RGL1: variants seen among roughly 807,000 people sequenced by gnomAD.
The protein encoded by RGL1 is ral guanine nucleotide dissociation stimulator-like 1.
Under a neutral mutation model 95.2 loss-of-function variants are expected in RGL1, and 24 were observed. That is an observed-to-expected ratio of 0.25 (90% CI 0.18 to 0.35). RGL1 has a LOEUF of 0.35. Ranked by LOEUF, RGL1 falls within the 10% of genes least tolerant of loss-of-function variation. The pLI, the probability that RGL1 is intolerant of heterozygous loss-of-function variation, is 1.00. For synonymous variants in RGL1, 329 were observed against 344.9 expected, an observed-to-expected ratio of 0.95 and a Z score of 0.51; for missense variants, 715 against 936.3, an observed-to-expected ratio of 0.76 and a Z score of 3.08.
At chr1:183,659,173 G>A (rs1387952088) in intron 1 of RGL1, among the ~76,000 whole-genome samples, 3 of 152,072 alleles carry the variant, frequency 2.0e-5, no homozygotes, top group Admixed American at 6.6e-5. Context: ...AAGGAATACA[G>A]CTCCTCACCG....
At chr1:183,694,419 A>G (rs1453767252) in intron 1 of RGL1, among the ~76,000 whole-genome samples, 1 of 152,036 alleles carries the variant, frequency 6.6e-6, no homozygotes, top group Admixed American at 6.6e-5. Context: ...ATTGATGACC[A>G]TTTTTTCTTT....
At chr1:183,884,324 G>A (rs1184107000) in intron 6 of RGL1, among the ~76,000 whole-genome samples, 2 of 152,178 alleles carry the variant, frequency 1.3e-5, no homozygotes, top group African/African-American at 2.4e-5. Context: ...GATTGTATCT[G>A]GCCCCTCATT....
chr1:183,842,047 T>G (rs1467959849), intron 2 of RGL1, among the ~76,000 whole-genome samples: 1 of 152,170 alleles, frequency 6.6e-6, no homozygotes, highest in Non-Finnish European at 1.5e-5. Flanking sequence ...TGTTGCTGGA[T>G]AGTGGTTGTA....
At chr1:183,818,598 A>AT (rs1662242730) in intron 2 of RGL1, among the ~76,000 whole-genome samples, 1 of 151,088 alleles carries the variant, frequency 6.6e-6, no homozygotes, top group African/African-American at 2.4e-5. Flanking sequence ...ATTAAAAAAA[A>AT]TGTTTCTCTT....
chr1:183,912,676 AC>A (rs1487063146), intron 15 of RGL1, among the ~76,000 whole-genome samples: 1 of 152,170 alleles, frequency 6.6e-6, no homozygotes, highest in Non-Finnish European at 1.5e-5. Flanking sequence ...TAAAACAACC[AC>A]TATTTATCTC....
At chr1:183,799,440 G>A (rs1263709003) in intron 2 of RGL1, among the ~76,000 whole-genome samples, 1 of 152,118 alleles carries the variant, frequency 6.6e-6, no homozygotes, top group Non-Finnish European at 1.5e-5. Flanking sequence ...TAGCATATCA[G>A]GGTTCCTTTT....
At chr1:183,708,161 A>G (rs909414990) in intron 1 of RGL1, among the ~76,000 whole-genome samples, 1 of 152,184 alleles carries the variant, frequency 6.6e-6, no homozygotes, top group Admixed American at 6.5e-5. Flanking sequence ...GATATCTTGC[A>G]TGAGGCCTAA....
chr1:183,749,161 G>A (rs1468383227), intron 2 of RGL1, among the ~76,000 whole-genome samples: 1 of 152,124 alleles, frequency 6.6e-6, no homozygotes, highest in African/African-American at 2.4e-5. Context: ...CTGAGTTCAA[G>A]TCCTGAATAT....
At chr1:183,788,911 C>G (rs1660310709) in intron 2 of RGL1, among the ~76,000 whole-genome samples, 1 of 152,204 alleles carries the variant, frequency 6.6e-6, no homozygotes, top group Non-Finnish European at 1.5e-5. Flanking sequence ...CTAGATTGCT[C>G]TCTTCCCCTA....
intron 1 of RGL1, chr1:183,648,842 C>T: frequency 7.3e-7 from 1 of 1,370,702 alleles, no homozygotes. Context: ...ACATATAAAA[C>T]CAGCGCAGGA....
rs1393307294 is a variant in RGL1 at position 183,835,440 on chromosome 1, A to C, written c.139-12126A>C. On this transcript the variant is annotated intron_variant, in intron 2 of 17. Coordinates refer to ENST00000360851, the MANE Select transcript of RGL1 (RefSeq NM_001297671.3). ...TCAGAGCAGAACACGAGTGCTTTCCATGGATTCCCAGTCTGTATTACCCAG... is the reference window on the plus strand; with the variant it reads ...TCAGAGCAGAACACGAGTGCTTTCCCTGGATTCCCAGTCTGTATTACCCAG... Among the ~76,000 whole-genome samples, 5 of 152,230 alleles carry C rather than the reference A, an allele frequency of 3.3e-5. No homozygotes were observed. In the South Asian group the frequency reaches 1.0e-3, roughly 32 times the overall value.
At chr1:183,915,462 T>C (rs147318805) in intron 15 of RGL1, among the ~76,000 whole-genome samples, 343 of 152,356 alleles carry the variant, frequency 2.3e-3, no homozygotes, top group African/African-American at 7.4e-3. Context: ...GTGTAGTTAA[T>C]CAGAAAAGCA....
At chr1:183,843,038 G>A (rs1383747718) in intron 2 of RGL1, among the ~76,000 whole-genome samples, 2 of 152,158 alleles carry the variant, frequency 1.3e-5, no homozygotes. Context: ...CATAAGAAAT[G>A]TACTCTATTT....
At chr1:183,909,278 T>A (rs574505279) in intron 14 of RGL1, among the ~76,000 whole-genome samples, 1 of 152,368 alleles carries the variant, frequency 6.6e-6, no homozygotes, top group African/African-American at 2.4e-5. Flanking sequence ...CCACATTCAA[T>A]GGCTCATCAT....
chr1:183,902,616 G>T lies in RGL1; in HGVS notation c.1350+16G>T. 6.2e-7 allele frequency: 1 copy of T among 1,608,172 alleles called. No individual in the cohort carries two copies. ...AAGGAGAAGGGTAAGTAGAGTTGTT[G>T]GCTGTGTTTCCTTTGTCTGAGCATG... On this transcript the variant is annotated intron_variant, in intron 12 of 17. Transcript: ENST00000360851.
chr1:183,698,001 G>A (rs1384262789), intron 1 of RGL1, among the ~76,000 whole-genome samples: 1 of 152,150 alleles, frequency 6.6e-6, no homozygotes, highest in Non-Finnish European at 1.5e-5. Flanking sequence ...TCCCCTCCTT[G>A]TCTGCTGCTG....
chr1:183,731,859 A>G (rs924515169), intron 1 of RGL1, among the ~76,000 whole-genome samples: 5 of 152,128 alleles, frequency 3.3e-5, no homozygotes, highest in African/African-American at 1.2e-4. Context: ...TTTGAAATGT[A>G]TCTCTTTCTT....
chr1:183,844,742 A>G (rs1194013197), intron 2 of RGL1, among the ~76,000 whole-genome samples: 5 of 152,214 alleles, frequency 3.3e-5, no homozygotes, highest in East Asian at 1.9e-4. Context: ...CTAAAACTAC[A>G]TATAGAGTGA....
chr1:183,878,150 T>TTCTATCTA (rs751622115), intron 4 of RGL1, among the ~76,000 whole-genome samples: 1,928 of 111,628 alleles, frequency 0.017, 14 homozygotes, highest in East Asian at 0.031. Flanking sequence ...TTGATTTTCT[T>TTCTATCTA]TCTATCTATC....
Sources: allele counts gnomAD v4.1 joint callset (sites outside exome capture counted in the v4.1 genomes callset), GRCh38; gene constraint gnomAD v4.1.1; transcripts MANE v1.5; gene names NCBI Gene and HGNC (gene_info 2026-07-23, HGNC 2026-07-21).